Variants in RNF130 observed in about 807,000 individuals in gnomAD.
RNF130 encodes ring finger protein 130.
Under a neutral mutation model 44.6 loss-of-function variants are expected in RNF130, and 21 were observed. The observed-to-expected ratio is 0.47, with a 90% CI of 0.33 to 0.68. The LOEUF (loss-of-function observed/expected upper bound fraction) is 0.68, where lower values mean the gene tolerates loss of function less well. Ranked by LOEUF, RNF130 falls within the 30% of genes least tolerant of loss-of-function variation. The pLI is 0.02. For synonymous variants in RNF130, 214 were observed against 210.4 expected (o/e 1.02, Z -0.15); for missense variants, 479 against 560.6 (o/e 0.85, Z 1.47).
intron 3 of RNF130, among the ~76,000 whole-genome samples, chr5:179,986,803 C>T (rs1762963362): frequency 6.6e-6 from 1 of 152,132 alleles, no homozygotes; most frequent in South Asian, 2.1e-4. Flanking sequence ...GTATTTTATA[C>T]ATGATGACAT....
chr5:179,939,874 G>C, intron 7 of RNF130: 1 of 337,996 alleles, frequency 3.0e-6, no homozygotes, highest in Non-Finnish European at 5.7e-6. Context: ...AGTTATGGAG[G>C]GTGAATCAAC....
exon 8 of RNF130, chr5:179,915,752 C>T (rs1056378230): frequency 6.6e-6 from 1 of 152,414 alleles, no homozygotes; most frequent in Non-Finnish European, 1.5e-5. Context: ...GGCAAGCCTT[C>T]CCTGCCCAGG....
intron 5 of RNF130, among the ~76,000 whole-genome samples, chr5:179,972,117 C>T (rs902130679): frequency 1.7e-4 from 26 of 152,200 alleles, no homozygotes; most frequent in African/African-American, 6.3e-4. Flanking sequence ...TCTTGTTACT[C>T]GTAGCCTCTG....
At chr5:179,940,922 T>G (rs1021908550) in intron 7 of RNF130, among the ~76,000 whole-genome samples, 1 of 152,204 alleles carries the variant, frequency 6.6e-6, no homozygotes, top group African/African-American at 2.4e-5. Flanking sequence ...TCAGCTCAGA[T>G]AGTCTCTCCT....
rs568090268 is a variant in RNF130 at position 179,955,422 on chromosome 5, G to A, written c.*232C>T. 37 of 428,818 alleles carry A rather than the reference G, an allele frequency of 8.6e-5. 1 individual carries two copies. The South Asian group carries it at 2.1e-3, about 24-fold the overall frequency. 26.6% of individuals were successfully genotyped at this position (428,818 alleles called of 1,614,324 possible). On this transcript the variant is annotated 3_prime_UTR_variant, in exon 9 of 9. Coordinates refer to ENST00000521389, the MANE Select transcript of RNF130 (RefSeq NM_018434.6). ...ACAAACAAATGCAATCTGGGTCTGC[G>A]AGCTTCAAATCAGCCCTCAAAACAC...
At chr5:179,955,025 C>T (rs1352561737), downstream of RNF130, 4 of 152,216 alleles carry the variant, frequency 2.6e-5, no homozygotes, top group Non-Finnish European at 5.9e-5. Flanking sequence ...TAATTTATTA[C>T]TAATTAGATG....
chr5:179,931,011 C>CAACAGAG, intron 7 of RNF130, among the ~76,000 whole-genome samples: 1 of 132,458 alleles, frequency 7.5e-6, no homozygotes, highest in Non-Finnish European at 1.5e-5. Flanking sequence ...CCAGCCTGGG[C>CAACAGAG]TGCAGACCAA....
chr5:180,034,313 G>A (rs12516233), intron 2 of RNF130, among the ~76,000 whole-genome samples: 16,252 of 151,818 alleles, frequency 0.11, 1,868 homozygotes, highest in African/African-American at 0.29. Flanking sequence ...GCCTACATTC[G>A]TAAGGGATAT....
chr5:179,923,254 A>C (rs1476448566), intron 7 of RNF130, among the ~76,000 whole-genome samples: 1 of 151,150 alleles, frequency 6.6e-6, no homozygotes, highest in Non-Finnish European at 1.5e-5. Context: ...TTTTTTTTGC[A>C]TATGGATATC....
At chr5:179,933,392 C>T (rs1730686786) in intron 7 of RNF130, among the ~76,000 whole-genome samples, 1 of 4,364 alleles carries the variant, frequency 2.3e-4, no homozygotes, top group Admixed American at 2.5e-3. Context: ...GTTCTCATAA[C>T]CCTATTTGTG....
chr5:179,958,902 A>G (rs770196490), intron 8 of RNF130, among the ~76,000 whole-genome samples: 11 of 151,940 alleles, frequency 7.2e-5, no homozygotes, highest in Non-Finnish European at 1.0e-4. Flanking sequence ...GCTTGTCTTG[A>G]ACTCCTGACC....
chr5:179,921,773 A>C (rs974459900), intron 7 of RNF130, among the ~76,000 whole-genome samples: 2 of 151,514 alleles, frequency 1.3e-5, no homozygotes, highest in Admixed American at 6.6e-5. Flanking sequence ...CTGTCATCCC[A>C]GCACTTTGGG....
intron 2 of RNF130, among the ~76,000 whole-genome samples, chr5:180,027,201 G>T (rs1299303125): frequency 2.6e-5 from 4 of 152,096 alleles, no homozygotes; most frequent in African/African-American, 4.8e-5. Context: ...GGGGTGGGGT[G>T]GGGGGAGGAT....
chr5:179,913,521 G>A (rs1367892834), exon 8 of RNF130: 3 of 152,232 alleles, frequency 2.0e-5, no homozygotes, highest in South Asian at 4.1e-4. Context: ...AGGACCACAG[G>A]AGCCAAGACT....
intron 1 of RNF130, among the ~76,000 whole-genome samples, chr5:180,068,036 T>C (rs1360343973): frequency 6.6e-6 from 1 of 152,228 alleles, no homozygotes; most frequent in Non-Finnish European, 1.5e-5. Context: ...TTTGGTAAAA[T>C]TATTCTCTAA....
At chr5:179,924,134 C>G (rs1025761626) in intron 7 of RNF130, among the ~76,000 whole-genome samples, 1 of 151,846 alleles carries the variant, frequency 6.6e-6, no homozygotes, top group Non-Finnish European at 1.5e-5. Context: ...CGCTTGAGCC[C>G]GGGAGTTCAA....
intron 2 of RNF130, among the ~76,000 whole-genome samples, chr5:180,039,355 T>C (rs1351434993): frequency 6.6e-6 from 1 of 152,096 alleles, no homozygotes; most frequent in East Asian, 1.9e-4. Flanking sequence ...TTTTCCTGTC[T>C]CAGCCTCAGT....
intron 1 of RNF130, among the ~76,000 whole-genome samples, chr5:180,066,248 C>T (rs539558009): frequency 6.6e-6 from 1 of 152,338 alleles, no homozygotes; most frequent in South Asian, 2.1e-4. Flanking sequence ...CTCACCAGAT[C>T]TGATGGTTTT....
chr5:180,071,042 A>G (rs540155721), intron 1 of RNF130, among the ~76,000 whole-genome samples: 1 of 151,254 alleles, frequency 6.6e-6, no homozygotes, highest in Admixed American at 6.6e-5. Flanking sequence ...AAAGGGCCGC[A>G]TCCTTCCAGA....
Sources: gnomAD v4.1 joint callset for allele counts (sites outside exome capture counted in the v4.1 genomes callset) on GRCh38, gnomAD v4.1.1 for gene constraint, MANE v1.5 for transcripts, NCBI Gene and HGNC (gene_info 2026-07-23, HGNC 2026-07-21) for gene names.